The following POMT2 variants were observed in gnomAD, a reference collection of about 807,000 sequenced individuals.
POMT2 encodes the protein protein O-mannosyl-transferase 2.
POMT2 carries 75 observed loss-of-function variants against 100.0 expected under a neutral mutation model. The observed-to-expected ratio is 0.75, with a 90% CI of 0.62 to 0.91. The LOEUF is 0.91. Among genes scored for constraint, POMT2 ranks in the 40% least tolerant of loss-of-function variants. The pLI, the probability that POMT2 is intolerant of heterozygous loss-of-function variation, is 0.00. For synonymous variants in POMT2, 378 were observed against 374.1 expected, an observed-to-expected ratio of 1.01 and a Z score of -0.12; for missense variants, 940 against 955.1, an observed-to-expected ratio of 0.98 and a Z score of 0.21.
At position 77,312,024 on chromosome 14, in the gene POMT2, C is replaced by G; in HGVS notation, c.258G>C (p.Glu86Asp). 6.2e-7 allele frequency: 1 copy of G among 1,613,948 alleles called. No homozygotes were observed. Among genetic ancestry groups the G allele is most frequent in the Non-Finnish European group, 8.5e-7 (1 of 1,179,970 alleles). ...AACTTCCCATTTTTCCAAAGTGAGT[C>G]TCATCCCAACTAAAGGAAACACAGA... is the stretch of plus-strand genomic sequence containing the variant. ...LDEPPHICWD[E>D]THFGKMGSYY... The change falls in exon 2 of 21, where the codon GAG becomes GAC. Residue 86 changes from glutamate to aspartate, a missense_variant. Coordinates refer to ENST00000261534, the MANE Select transcript of POMT2 (RefSeq NM_013382.7).
At chr14:77,286,683 A>C (rs1252533540) in intron 12 of POMT2, 61 bp downstream of exon 12, 1 of 1,606,600 alleles carries the variant, frequency 6.2e-7, no homozygotes, top group Non-Finnish European at 8.5e-7. Flanking sequence ...ATCCCACCAC[A>C]CAGCCCTGAG....
At chr14:77,286,600 G>A in intron 12 of POMT2, 144 bp downstream of exon 12, 1 of 1,199,666 alleles carries the variant, frequency 8.3e-7, no homozygotes, top group Non-Finnish European at 1.2e-6. Flanking sequence ...TAGCCAAAAA[G>A]TGCCCAAATG....
At chr14:77,304,473 C>A (rs755191443) in intron 4 of POMT2, among the ~76,000 whole-genome samples, 1 of 152,206 alleles carries the variant, frequency 6.6e-6, no homozygotes, top group Non-Finnish European at 1.5e-5. Flanking sequence ...GGATTACCCA[C>A]GCCGATTCTC....
intron 10 of POMT2, among the ~76,000 whole-genome samples, chr14:77,289,298 G>A (rs1332333680): frequency 6.6e-6 from 1 of 152,124 alleles, no homozygotes; most frequent in Non-Finnish European, 1.5e-5. Context: ...GGCTGAGGCA[G>A]GAGAATCGCT....
At position 77,287,508 on chromosome 14, in the gene POMT2, CTCTGTCTCTG is replaced by C. The variant is rs1890470949; in HGVS notation, c.1254-696_1254-687del. On this transcript the variant is annotated intron_variant, in intron 11 of 20. Transcript: ENST00000261534. Reference sequence around the variant, plus strand: ...AAAAACCATAGCTAATTGCTTCTCTCTCTGTCTCTGTCTCTCTCTCTCTCTCTCTCTCTCT... The same window carrying C: ...AAAAACCATAGCTAATTGCTTCTCTCTCTCTCTCTCTCTCTCTCTCTCTCT... The C allele has an allele frequency of 3.8e-5, 4 of 105,700 alleles. No individual in the cohort carries two copies. The Admixed American group carries it at 3.8e-4, about 10-fold the overall frequency. 6.5% of individuals were successfully genotyped at this position (105,700 alleles called of 1,614,324 possible).
In POMT2 at chr14:77,306,166, C is replaced by T. The variant is rs564282031; in HGVS notation, c.438+171G>A. 2.2e-5 allele frequency: 25 copies of T among 1,149,274 alleles called. No homozygotes were observed. The African/African-American group carries it at 3.8e-4, about 18-fold the overall frequency. The allele number at this position is 1,149,274 out of a possible 1,614,324, so 71.2% of individuals were successfully genotyped here. On this transcript the variant is annotated intron_variant, in intron 3 of 20. Coordinates refer to ENST00000261534, the MANE Select transcript of POMT2 (RefSeq NM_013382.7). The stretch of plus-strand genomic sequence containing the variant: ...CCTCCTCTTCCCTTCTTCCTCACCT[C>T]AGTTCTGAGTATCTACACCACAGGG...
intron 20 of POMT2, among the ~76,000 whole-genome samples, chr14:77,277,864 T>A (rs1890029663): frequency 6.6e-6 from 1 of 151,946 alleles, no homozygotes; most frequent in Non-Finnish European, 1.5e-5. Context: ...TCCAAACAAC[T>A]CTCCCTTTCA....
chr14:77,286,414 C>T (rs1890425000), intron 12 of POMT2, among the ~76,000 whole-genome samples: 2 of 152,170 alleles, frequency 1.3e-5, no homozygotes, highest in Admixed American at 1.3e-4. Flanking sequence ...TGTTGTTCAT[C>T]TGGGGTCATA....
intron 1 of POMT2, among the ~76,000 whole-genome samples, chr14:77,319,020 G>A (rs1891730580): frequency 6.6e-6 from 1 of 152,208 alleles, no homozygotes; most frequent in Non-Finnish European, 1.5e-5. Flanking sequence ...ACAGGTGTGA[G>A]CCACTGCGCC....
intron 4 of POMT2, 21 bp from the exon 5 acceptor site, chr14:77,302,964 G>A (rs763615236): frequency 1.9e-6 from 3 of 1,578,870 alleles, no homozygotes; most frequent in African/African-American, 2.7e-5. Context: ...TGAGCTCGCT[G>A]GTGAAAAAGC....
intron 14 of POMT2, among the ~76,000 whole-genome samples, chr14:77,284,679 G>A (rs1004223880): frequency 6.6e-6 from 1 of 152,170 alleles, no homozygotes; most frequent in African/African-American, 2.4e-5. Context: ...CCATGGTGCA[G>A]GGGAGAGAGG....
At chr14:77,283,251 C>A (rs1890293660) in intron 15 of POMT2, among the ~76,000 whole-genome samples, 4 of 152,222 alleles carry the variant, frequency 2.6e-5, no homozygotes, top group Admixed American at 2.0e-4. Context: ...CCTAACTGAT[C>A]CTGATTTCAT....
intron 12 of POMT2, 95 bp downstream of exon 12, chr14:77,286,649 A>T (rs1275375798): frequency 3.8e-6 from 6 of 1,560,230 alleles, no homozygotes; most frequent in Non-Finnish European, 5.3e-6. Context: ...CCTCAGGAAC[A>T]TTCCAGAATT....
intron 1 of POMT2, chr14:77,319,625 C>T (rs556958001): frequency 6.6e-6 from 1 of 152,360 alleles, no homozygotes; most frequent in South Asian, 2.1e-4. Flanking sequence ...CCAAGCTTGT[C>T]GTTCCTTCAC....
Position 77,291,325 on chromosome 14 carries a change from TTA to T in POMT2, c.1170_1171del (p.His390GlnfsTer39), listed in dbSNP as rs764210532. ...TCTGACCACATTACCTGAGTTTGTG[TTA>T]TGTTTCTTGATAATCCACAGGTTGT... On this transcript the variant is annotated frameshift_variant, in exon 10 of 21. Transcript: ENST00000261534. LOFTEE classifies it high-confidence loss of function. 1.2e-6 allele frequency: 2 copies of T among 1,600,286 alleles called. No homozygotes were observed. Among genetic ancestry groups the T allele is most frequent in the Admixed American group, 1.7e-5 (1 of 58,038 alleles).
At position 77,320,443 on chromosome 14, in the gene POMT2, G is replaced by C; in HGVS notation, c.239C>G (p.Pro80Arg). Residue 80 changes from proline to arginine, a missense_variant, in exon 1 of 21, where the codon CCG becomes CGG. By Grantham distance (103) the Pro-to-Arg change is moderately radical (BLOSUM62 -2). Coordinates refer to ENST00000261534, the MANE Select transcript of POMT2 (RefSeq NM_013382.7). ...CCCTCCCATCACTCACCAGATGTGC[G>C]GCGGCTCGTCCAAGCGGTGGAAGCG... ...ATRFHRLDEP[P>R]HICWDETHFG... 2 of 1,546,466 alleles carry C rather than the reference G, an allele frequency of 1.3e-6. No homozygotes were observed.
chr14:77,318,040 A>C (rs8010027), intron 1 of POMT2, among the ~76,000 whole-genome samples: 7,814 of 152,302 alleles, frequency 0.051, 649 homozygotes, highest in African/African-American at 0.17. Flanking sequence ...GGTAGGGGAT[A>C]AATGGAGAAA....
rs1891013657 is a variant in POMT2 at position 77,300,969 on chromosome 14, C to T, written c.816+121G>A. Reference sequence around the variant, plus strand: ...TCTGCGGAGGTTGGGGGGTCCAGCCCACCTGGGACCCAGAACACAGCCACT... The same window carrying T: ...TCTGCGGAGGTTGGGGGGTCCAGCCTACCTGGGACCCAGAACACAGCCACT... On this transcript the variant is annotated intron_variant, in intron 6 of 20. Coordinates refer to ENST00000261534, the MANE Select transcript of POMT2 (RefSeq NM_013382.7). 3 of 1,597,602 alleles carry T rather than the reference C, an allele frequency of 1.9e-6. No individual in the cohort carries two copies. The South Asian group carries it at 3.3e-5, about 18-fold the overall frequency.
intron 6 of POMT2, 50 bp downstream of exon 6, chr14:77,301,040 G>A: frequency 1.2e-6 from 2 of 1,612,262 alleles, no homozygotes; most frequent in Non-Finnish European, 1.7e-6. Flanking sequence ...CTCCTACTCA[G>A]CAACATCAGG....
Sources: gnomAD v4.1 joint callset for allele counts (sites outside exome capture counted in the v4.1 genomes callset) on GRCh38, gnomAD v4.1.1 for gene constraint, MANE v1.5 for transcripts, NCBI Gene and HGNC (gene_info 2026-07-23, HGNC 2026-07-21) for gene names.